The following PPFIA2 variants were observed in gnomAD, a reference collection of about 807,000 sequenced individuals.
The protein encoded by PPFIA2 is liprin-alpha-2.
Under a neutral mutation model 175.5 loss-of-function variants are expected in PPFIA2, and 46 were observed. The observed-to-expected ratio is 0.26, with a 90% CI of 0.21 to 0.34. The LOEUF (loss-of-function observed/expected upper bound fraction) is 0.34. Ranked by LOEUF, PPFIA2 falls within the 10% of genes least tolerant of loss-of-function variation. The pLI is 1.00. For synonymous variants in PPFIA2, 568 were observed against 511.4 expected, an observed-to-expected ratio of 1.11 and a Z score of -1.49; for missense variants, 1,179 against 1,506.1, an observed-to-expected ratio of 0.78 and a Z score of 3.60.
intron 3 of PPFIA2, among the ~76,000 whole-genome samples, chr12:81,695,165 T>A (rs1478504483): frequency 1.3e-5 from 2 of 152,134 alleles, no homozygotes; most frequent in African/African-American, 4.8e-5. Context: ...TTTGAGGGAC[T>A]TTTGAGAAGG....
At position 81,574,051 on chromosome 12, in the gene PPFIA2, G is replaced by T. The variant is rs187967249; in HGVS notation, c.303+102740C>A. Among the ~76,000 whole-genome samples, 109 of 151,898 alleles carry T rather than the reference G, an allele frequency of 7.2e-4. 1 individual carries two copies. Among genetic ancestry groups the T allele is most frequent in the African/African-American group, 2.6e-3 (108 of 41,464 alleles). Reference sequence around the variant, plus strand: ...ATTTTGGCTTACAACTAGACAGATGGTACTCAATTACACATTTAATGCTAC... The same window carrying T: ...ATTTTGGCTTACAACTAGACAGATGTTACTCAATTACACATTTAATGCTAC... On this transcript the variant is annotated intron_variant, in intron 4 of 32. Coordinates refer to ENST00000549396, the MANE Select transcript of PPFIA2 (RefSeq NM_003625.5).
In PPFIA2 at chr12:81,446,411, C is replaced by T. The variant is rs1373763688; in HGVS notation, c.406-691G>A. On this transcript the variant is annotated intron_variant, in intron 5 of 32. Transcript: ENST00000549396. ...ACTTTCCAGGCTGTTTCAGGCTTTACACTCTTAGCTTTTGCCAGAGGAGTT... is the reference window on the plus strand; with the variant it reads ...ACTTTCCAGGCTGTTTCAGGCTTTATACTCTTAGCTTTTGCCAGAGGAGTT... 2.6e-5 allele frequency among the ~76,000 whole-genome samples: 4 copies of T among 152,270 alleles called. No homozygotes were observed. In the East Asian group the frequency reaches 5.8e-4, roughly 22 times the overall value.
chr12:81,591,603 C>T (rs530991025), intron 4 of PPFIA2, among the ~76,000 whole-genome samples: 23 of 152,070 alleles, frequency 1.5e-4, no homozygotes, highest in South Asian at 8.3e-4. Flanking sequence ...TGGTGCCCTA[C>T]GTCCCAGCTA....
At chr12:81,491,621 G>A (rs559789117) in intron 4 of PPFIA2, among the ~76,000 whole-genome samples, 9 of 151,936 alleles carry the variant, frequency 5.9e-5, no homozygotes, top group South Asian at 2.1e-4. Flanking sequence ...TCTGTGCCAC[G>A]TGAGGATACA....
intron 4 of PPFIA2, among the ~76,000 whole-genome samples, chr12:81,591,748 CT>C (rs1308692682): frequency 6.6e-6 from 1 of 152,174 alleles, no homozygotes; most frequent in Non-Finnish European, 1.5e-5. Flanking sequence ...GGTTTGGGAC[CT>C]TCTGCCTAGA....
intron 4 of PPFIA2, among the ~76,000 whole-genome samples, chr12:81,674,259 G>T (rs2072004784): frequency 6.6e-6 from 1 of 151,930 alleles, no homozygotes; most frequent in South Asian, 2.1e-4. Context: ...CTCAATACTT[G>T]ATGTATTCTG....
At chr12:81,397,147 C>T (rs1054507907) in intron 8 of PPFIA2, among the ~76,000 whole-genome samples, 6 of 151,814 alleles carry the variant, frequency 4.0e-5, no homozygotes, top group Non-Finnish European at 5.9e-5. Context: ...GTTGTAGGGT[C>T]TGAACTAGAG....
At chr12:81,404,500 A>G (rs948571967) in intron 8 of PPFIA2, among the ~76,000 whole-genome samples, 4 of 152,208 alleles carry the variant, frequency 2.6e-5, no homozygotes, top group Non-Finnish European at 5.9e-5. Flanking sequence ...TTGGTGGTGT[A>G]TCTACTGAAG....
chr12:81,617,405 G>A (rs2061517667), intron 4 of PPFIA2, among the ~76,000 whole-genome samples: 1 of 152,004 alleles, frequency 6.6e-6, no homozygotes, highest in African/African-American at 2.4e-5. Context: ...TCCCTTTTAA[G>A]GTCTGCAGTA....
At chr12:81,675,977 T>C (rs952507097) in intron 4 of PPFIA2, among the ~76,000 whole-genome samples, 1 of 152,004 alleles carries the variant, frequency 6.6e-6, no homozygotes, top group Non-Finnish European at 1.5e-5. Context: ...GAACAGAAAG[T>C]TATCTCTCTA....
chr12:81,376,417 CA>C (rs34688540), intron 9 of PPFIA2, among the ~76,000 whole-genome samples: 36,725 of 142,792 alleles, frequency 0.26, 6,366 homozygotes, highest in African/African-American at 0.48. Context: ...AAGGCCAGGC[CA>C]AAAAAAAAAA....
Position 81,647,195 on chromosome 12 carries a change from G to A in PPFIA2, c.303+29596C>T, listed in dbSNP as rs561959920. Among the ~76,000 whole-genome samples the A allele has an allele frequency of 3.7e-4, 57 of 152,116 alleles. 1 individual carries two copies. The South Asian group carries it at 0.011, about 30-fold the overall frequency. Reference sequence around the variant, plus strand: ...GAGATTTAAACATTCCCTTAATTGGGCTTAGTAGCAGACCAGACATAGTAG... The same window carrying A: ...GAGATTTAAACATTCCCTTAATTGGACTTAGTAGCAGACCAGACATAGTAG... On this transcript the variant is annotated intron_variant, in intron 4 of 32. Coordinates refer to ENST00000549396, the MANE Select transcript of PPFIA2 (RefSeq NM_003625.5).
chr12:81,494,675 C>G (rs1204025650), intron 4 of PPFIA2, among the ~76,000 whole-genome samples: 1 of 151,872 alleles, frequency 6.6e-6, no homozygotes, highest in East Asian at 1.9e-4. Context: ...TTCACAATAG[C>G]AAAGACTTGG....
chr12:81,757,093 C>A (rs1014801378), intron 2 of PPFIA2, among the ~76,000 whole-genome samples: 1 of 152,066 alleles, frequency 6.6e-6, no homozygotes, highest in Non-Finnish European at 1.5e-5. Flanking sequence ...TTTGATTAAT[C>A]CTTAAAATGC....
rs748094294 is a variant in PPFIA2, at chr12:81,347,703, C to T, written c.2062G>A (p.Val688Met). The T allele has an allele frequency of 3.1e-6, 5 of 1,613,846 alleles. No homozygotes were observed. Among genetic ancestry groups the T allele is most frequent in the Non-Finnish European group, 4.2e-6 (5 of 1,179,806 alleles). Residue 688 changes from valine (V) to methionine (M), a missense_variant, in exon 18 of 33, where the codon GTG (valine) becomes ATG (methionine). Physicochemically the swap from Val to Met is conservative, Grantham distance 21. Coordinates refer to ENST00000549396, the MANE Select transcript of PPFIA2 (RefSeq NM_003625.5). ...GCCAAATTCAGGCCTTCGAGGCTCA[C>T]ACTAGCCACTCTATTTTCAATTTCT... ...AEEIENRVAS[V>M]SLEGLNLARV...
At chr12:81,411,183 C>G (rs1170161968) in intron 7 of PPFIA2, among the ~76,000 whole-genome samples, 2 of 152,054 alleles carry the variant, frequency 1.3e-5, no homozygotes, top group African/African-American at 2.4e-5. Flanking sequence ...TAGAAGATCA[C>G]AGGCATTTTG....
intron 4 of PPFIA2, among the ~76,000 whole-genome samples, chr12:81,528,956 G>A (rs1258685034): frequency 6.6e-6 from 1 of 151,988 alleles, no homozygotes; most frequent in Admixed American, 6.6e-5. Context: ...CATTTTTAGT[G>A]TCAGTAAAAT....
chr12:81,443,270 G>C (rs1214017640), intron 6 of PPFIA2, among the ~76,000 whole-genome samples: 1 of 151,880 alleles, frequency 6.6e-6, no homozygotes, highest in African/African-American at 2.4e-5. Flanking sequence ...TTGATGCTTT[G>C]AGAATGAATG....
chr12:81,440,900 A>G (rs867771537), intron 6 of PPFIA2, among the ~76,000 whole-genome samples: 149 of 150,948 alleles, frequency 9.9e-4, no homozygotes, highest in Admixed American at 4.6e-4. Flanking sequence ...AATTTTCCTT[A>G]AAAAATCAAA....
Sources: gnomAD v4.1 joint callset for allele counts (sites outside exome capture counted in the v4.1 genomes callset) on GRCh38, gnomAD v4.1.1 for gene constraint, MANE v1.5 for transcripts, NCBI Gene and HGNC (gene_info 2026-07-23, HGNC 2026-07-21) for gene names.